Variants in CCT8 observed in about 807,000 individuals in gnomAD.
CCT8 encodes the protein T-complex protein 1 subunit theta.
CCT8 carries 10 observed loss-of-function variants against 65.7 expected under a neutral mutation model. The ratio of observed to expected loss-of-function variants is 0.15; its 90% CI spans 0.09 to 0.26. The LOEUF (loss-of-function observed/expected upper bound fraction) is 0.26. CCT8 is among the 10% of genes least tolerant of loss of function. The probability of loss-of-function intolerance (pLI) is 1.00; values close to 1 mark genes in which losing one functional copy is unlikely to be tolerated. For missense variants in CCT8, 568 were observed against 669.1 expected (o/e 0.85, Z 1.67); for synonymous variants, 199 against 221.8 (o/e 0.90, Z 0.92).
chr21:29,072,235 A>G (rs2085689097), intron 1 of CCT8: 2 of 367,182 alleles, frequency 5.4e-6, no homozygotes, highest in East Asian at 4.4e-5. Context: ...CCTCTACTAT[A>G]GTGCAGTTTC....
At chr21:29,061,657 A>G in intron 11 of CCT8, 90 bp from the exon 12 acceptor site, 2 of 1,221,842 alleles carry the variant, frequency 1.6e-6, no homozygotes, top group Non-Finnish European at 1.2e-6. Context: ...TTCACATTCC[A>G]GTACCCCACC....
intron 14 of CCT8, among the ~76,000 whole-genome samples, chr21:29,059,181 C>A (rs1041161547): frequency 2.0e-5 from 3 of 152,242 alleles, no homozygotes; most frequent in African/African-American, 7.2e-5. Flanking sequence ...TTAATCCAGT[C>A]CGTACTACAC....
intron 7 of CCT8, 150 bp from the exon 8 acceptor site, chr21:29,063,680 G>A: frequency 1.4e-6 from 1 of 702,498 alleles, no homozygotes; most frequent in South Asian, 2.0e-5. Context: ...AATACTGTAT[G>A]TGTGAAATAG....
chr21:29,056,770 G>A (rs563088876), intron 14 of CCT8, among the ~76,000 whole-genome samples: 13 of 152,262 alleles, frequency 8.5e-5, no homozygotes, highest in Middle Eastern at 3.4e-3. Context: ...ATGGATAACC[G>A]CAATAAAATC....
chr21:29,059,167 A>T (rs908020361), intron 14 of CCT8, among the ~76,000 whole-genome samples: 1 of 152,254 alleles, frequency 6.6e-6, no homozygotes, highest in East Asian at 1.9e-4. Flanking sequence ...CATTCCAACA[A>T]AGATTAATCC....
intron 1 of CCT8, among the ~76,000 whole-genome samples, chr21:29,071,164 A>G (rs2085675548): frequency 6.6e-6 from 1 of 152,164 alleles, no homozygotes; most frequent in Non-Finnish European, 1.5e-5. Context: ...GGGCTAGTGA[A>G]AGCAATCAAA....
rs769705646 is a variant in CCT8 at position 29,060,549 on chromosome 21, C to G, written c.1561G>C (p.Val521Leu). ...AATTTCACTTTGCTCACCTGATCCA[C>G]TCTAAGTACAGTGACTGCAGCATTA... ...ATNAAVTVLR[V>L]DQIIMAKPAG... The change falls in exon 14 of 15, where the codon GTG (valine) becomes CTG (leucine). Residue 521 changes from valine to leucine, a missense_variant. Physicochemically the swap from Val to Leu is conservative, Grantham distance 32. Transcript: ENST00000286788. The G allele has an allele frequency of 1.2e-6, 2 of 1,613,860 alleles. No homozygotes were observed. Among genetic ancestry groups the G allele is most frequent in the Non-Finnish European group, 1.7e-6 (2 of 1,179,810 alleles).
Position 29,061,991 on chromosome 21 carries a change from C to T in CCT8, c.1212+137G>A, listed in dbSNP as rs1601089997. The T allele has an allele frequency of 9.3e-6, 6 of 643,482 alleles. No homozygotes were observed. The East Asian group carries it at 1.6e-4, about 17-fold the overall frequency. The allele number at this position is 643,482 out of a possible 1,614,324, so 39.9% of individuals were successfully genotyped here. A position where few individuals can be genotyped will look rare whatever the true frequency, so the allele number is the denominator to read the frequency against. On this transcript the variant is annotated intron_variant, in intron 11 of 14. Coordinates refer to ENST00000286788, the MANE Select transcript of CCT8 (RefSeq NM_006585.4). The stretch of plus-strand genomic sequence containing the variant: ...TGGACACTTAAGTCTTAGGTAAAAA[C>T]AAAAACAGGTGCTTCATTTCATATA...
At chr21:29,060,421 A>G in intron 14 of CCT8, 120 bp downstream of exon 14, 1 of 990,972 alleles carries the variant, frequency 1.0e-6, no homozygotes, top group Non-Finnish European at 1.5e-6. Flanking sequence ...AGTATCTCTA[A>G]TAGGTGAGGA....
chr21:29,067,855 G>A (rs976950183), intron 3 of CCT8, 150 bp from the exon 4 acceptor site: 3 of 476,940 alleles, frequency 6.3e-6, no homozygotes, highest in East Asian at 7.0e-5. Flanking sequence ...TACTTATAGT[G>A]TGGTCACAAG....
intron 1 of CCT8, among the ~76,000 whole-genome samples, chr21:29,071,397 TGA>T (rs1035480652): frequency 2.8e-4 from 42 of 151,656 alleles, no homozygotes; most frequent in Admixed American, 2.5e-3. Context: ...TACTCTTTTT[TGA>T]GAGAGAGAGA....
chr21:29,072,960 G>C (rs1384724116), intron 1 of CCT8, among the ~76,000 whole-genome samples: 1 of 152,218 alleles, frequency 6.6e-6, no homozygotes, highest in Non-Finnish European at 1.5e-5. Flanking sequence ...TTTAGATTAA[G>C]CCAGCTAACA....
chr21:29,071,861 C>A, intron 1 of CCT8: 1 of 686,040 alleles, frequency 1.5e-6, no homozygotes, highest in South Asian at 1.5e-5. Context: ...CAATGGTTTC[C>A]CAACCAGCTT....
Position 29,066,710 on chromosome 21 carries a change from A to G in CCT8, c.624+6T>C. 1.3e-6 allele frequency: 2 copies of G among 1,590,710 alleles called. No individual in the cohort carries two copies. Among genetic ancestry groups the G allele is most frequent in the South Asian group, 1.1e-5 (1 of 87,214 alleles). On this transcript the variant is annotated splice_donor_region_variant and intron_variant, in intron 6 of 14. Transcript: ENST00000286788. Reference sequence around the variant, plus strand: ...GATATGTAGCATTAATGCATTTTCTACTTACCAGAATTTTACAAACTCTGA... The same window carrying G: ...GATATGTAGCATTAATGCATTTTCTGCTTACCAGAATTTTACAAACTCTGA...
chr21:29,067,124 T>C, intron 4 of CCT8, 53 bp from the exon 5 acceptor site: 1 of 1,367,874 alleles, frequency 7.3e-7, no homozygotes. Context: ...TAGCTTATTT[T>C]GGTAACCCAA....
chr21:29,063,945 T>C (rs1343796607), intron 7 of CCT8, among the ~76,000 whole-genome samples: 1 of 152,102 alleles, frequency 6.6e-6, no homozygotes, highest in African/African-American at 2.4e-5. Context: ...TTTTGCATTT[T>C]TAGTAGAGAC....
intron 6 of CCT8, among the ~76,000 whole-genome samples, chr21:29,066,110 T>C (rs1422861826): frequency 2.0e-5 from 3 of 151,838 alleles, no homozygotes; most frequent in Non-Finnish European, 2.9e-5. Flanking sequence ...AATTTAGTAT[T>C]TTGTTTATAC....
chr21:29,061,394 A>G lies in CCT8; in HGVS notation c.1308T>C (p.Tyr436=). 11 of 1,614,068 alleles carry G rather than the reference A, an allele frequency of 6.8e-6. No homozygotes were observed. The highest frequency in any genetic ancestry group is 2.7e-5 in the African/African-American group (2 of 75,042). ...ATGCCTCAGCAAACTTCTTAATAGC[A>G]TACTGTTCAAGTCCAGGACATGTCT... ...YGETCPGLEQ[Y]AIKKFAEAFE... Residue 436 remains tyrosine, a synonymous_variant, in exon 13 of 15, where the codon TAT becomes TAC. Coordinates refer to ENST00000286788, the MANE Select transcript of CCT8 (RefSeq NM_006585.4).
chr21:29,057,540 G>A (rs1426665201), intron 14 of CCT8, among the ~76,000 whole-genome samples: 1 of 109,342 alleles, frequency 9.1e-6, no homozygotes, highest in Non-Finnish European at 2.4e-5. Context: ...ACTTTGGGAG[G>A]CCAAGGTTTG....
Sources: allele counts gnomAD v4.1 joint callset (sites outside exome capture counted in the v4.1 genomes callset), GRCh38; gene constraint gnomAD v4.1.1; transcripts MANE v1.5; gene names NCBI Gene and HGNC (gene_info 2026-07-23, HGNC 2026-07-21).